RAP1GAP2: variants seen among roughly 807,000 people sequenced by gnomAD.
RAP1GAP2 encodes rap1 GTPase-activating protein 2.
RAP1GAP2 carries 27 observed loss-of-function variants against 95.0 expected under a neutral mutation model. The ratio of observed to expected loss-of-function variants is 0.28; its 90% CI spans 0.21 to 0.39. RAP1GAP2 has a LOEUF of 0.39. RAP1GAP2 is among the 10% of genes least tolerant of loss of function. The probability of loss-of-function intolerance (pLI) is 1.00; values close to 1 mark genes in which losing one functional copy is unlikely to be tolerated. For synonymous variants in RAP1GAP2, 373 were observed against 380.9 expected, an observed-to-expected ratio of 0.98 and a Z score of 0.24; for missense variants, 771 against 970.0, an observed-to-expected ratio of 0.79 and a Z score of 2.72.
At chr17:2,792,125 G>A (rs1053878563), upstream of RAP1GAP2, among the ~76,000 whole-genome samples, 1 of 152,140 alleles carries the variant, frequency 6.6e-6, no homozygotes, top group East Asian at 1.9e-4. Flanking sequence ...TTCCCAAAGT[G>A]CTGGGATTAC....
intron 8 of RAP1GAP2, among the ~76,000 whole-genome samples, chr17:2,973,220 A>G (rs73296673): frequency 4.6e-5 from 7 of 152,144 alleles, no homozygotes; most frequent in African/African-American, 1.4e-4. Context: ...TGCACAGTAG[A>G]ATGATCACTC....
intron 3 of RAP1GAP2, among the ~76,000 whole-genome samples, chr17:2,927,367 A>C (rs531847956): frequency 1.1e-4 from 17 of 151,930 alleles, no homozygotes; most frequent in South Asian, 6.2e-4. Flanking sequence ...GTTAGCCAGG[A>C]TGGTCTCGAT....
intron 13 of RAP1GAP2, among the ~76,000 whole-genome samples, chr17:2,997,659 A>C (rs1444890068): frequency 6.6e-6 from 1 of 152,060 alleles, no homozygotes. Context: ...AAGGTTGGGC[A>C]CAGTGGCTTA....
Position 2,906,287 on chromosome 17 carries a change from C to T in RAP1GAP2, c.165+919C>T, listed in dbSNP as rs1416648939. On this transcript the variant is annotated intron_variant, in intron 3 of 24. Transcript: ENST00000254695. This position sits in a 1 kb window ranked among gnomAD's most constrained non-coding sequence, Gnocchi z 4.3. ...ACTGCTCTGCATCACCCCTCCTCTTCCCTGAACCTAATCTTTTGCAAGATG... is the reference window on the plus strand; with the variant it reads ...ACTGCTCTGCATCACCCCTCCTCTTTCCTGAACCTAATCTTTTGCAAGATG... 2.0e-5 allele frequency among the ~76,000 whole-genome samples: 3 copies of T among 152,306 alleles called. No homozygotes were observed. The highest frequency in any genetic ancestry group is 6.5e-5 in the Admixed American group (1 of 15,284).
chr17:3,019,871 A>G (rs930178036), intron 18 of RAP1GAP2, among the ~76,000 whole-genome samples: 3 of 152,226 alleles, frequency 2.0e-5, no homozygotes, highest in Non-Finnish European at 2.9e-5. Context: ...GCCCTCCTCA[A>G]ACCCCCACCA....
In RAP1GAP2 at chr17:2,829,602, G is replaced by A. The variant is rs78869466; in HGVS notation, c.80+29052G>A. Among the ~76,000 whole-genome samples, 34 of 152,168 alleles carry A rather than the reference G, an allele frequency of 2.2e-4. No individual in the cohort carries two copies. The East Asian group carries it at 6.0e-3, about 27-fold the overall frequency. The stretch of plus-strand genomic sequence containing the variant: ...ACAGCTGCACAAGAGCTCACCGAAG[G>A]GCTTGTTATGAAAGAGTCATTTTTG... On this transcript the variant is annotated intron_variant, in intron 2 of 24. Transcript: ENST00000254695.
intron 3 of RAP1GAP2, among the ~76,000 whole-genome samples, chr17:2,908,607 G>C (rs1319580758): frequency 6.6e-6 from 1 of 151,898 alleles, no homozygotes; most frequent in Non-Finnish European, 1.5e-5. Context: ...AGAAGGAGGC[G>C]GCGAGAATGG....
At chr17:2,798,825 C>T (rs577540201) in intron 1 of RAP1GAP2, among the ~76,000 whole-genome samples, 31 of 152,294 alleles carry the variant, frequency 2.0e-4, no homozygotes, top group Admixed American at 1.6e-3. Context: ...GCTGTGTAGG[C>T]GTGGTTTGAA....
At position 2,765,742 on chromosome 17, in the gene RAP1GAP2, CA is replaced by C. The variant is rs60006033; in HGVS notation, c.51-4575del. On this transcript the variant is annotated intron_variant, in intron 1 of 25. Coordinates refer to the RAP1GAP2 transcript ENST00000637138. ...TGGGCGACAGAGGGAGACTCTGTCT[CA>C]AAAAAAAAAAAGAGTTTGAGCAAGA... Among the ~76,000 whole-genome samples, 130 of 129,626 alleles carry C rather than the reference CA, an allele frequency of 1.0e-3. 1 individual carries two copies. Among genetic ancestry groups the C allele is most frequent in the East Asian group, 4.2e-3 (19 of 4,514 alleles). The allele number at this position is 129,626 out of a possible 152,430, so 85.0% of individuals were successfully genotyped here.
At chr17:3,016,846 A>C (rs2046786267) in intron 17 of RAP1GAP2, among the ~76,000 whole-genome samples, 1 of 152,196 alleles carries the variant, frequency 6.6e-6, no homozygotes, top group African/African-American at 2.4e-5. Context: ...TACTCAGCTA[A>C]TGCGTGCTGG....
In RAP1GAP2 at chr17:2,905,269, T is replaced by C. The variant is rs1476131682; in HGVS notation, c.81-15T>C. ...GCAGGCAGGTCCTCACTCACCTCTT[T>C]TGGCCTCTTCACAGGAAGCAGGAGC... On this transcript the variant is annotated splice_polypyrimidine_tract_variant and intron_variant, in intron 2 of 24. Transcript: ENST00000254695. The C allele has an allele frequency of 3.1e-6, 5 of 1,613,188 alleles. No individual in the cohort carries two copies. The East Asian group carries it at 6.7e-5, about 22-fold the overall frequency.
chr17:2,939,457 G>C (rs560096346), intron 3 of RAP1GAP2, among the ~76,000 whole-genome samples: 9 of 152,256 alleles, frequency 5.9e-5, no homozygotes, highest in Non-Finnish European at 1.3e-4. Context: ...TGCCTCGAAA[G>C]ATGCAGGCAC....
rs1597908176 is a variant in RAP1GAP2, at chr17:3,027,366, GCCCTTCTCCCCACCTGCCAGTGCTCCAA to G, written c.2107+317_2107+344del. 6.6e-6 allele frequency among the ~76,000 whole-genome samples: 1 copy of G among 152,080 alleles called. No homozygotes were observed. Among genetic ancestry groups the G allele is most frequent in the African/African-American group, 2.4e-5 (1 of 41,396 alleles). On this transcript the variant is annotated intron_variant, in intron 22 of 24. Transcript: ENST00000254695. This position sits in a 1 kb window ranked among gnomAD's most constrained non-coding sequence, Gnocchi z 5.2. Reference sequence around the variant, plus strand: ...TGGGAAAGCTGAGCACTTTCCATTAGCCCTTCTCCCCACCTGCCAGTGCTCCAACCCTTCTCCCCACCTGCCAGCGCTC... The same window carrying G: ...TGGGAAAGCTGAGCACTTTCCATTAGCCCTTCTCCCCACCTGCCAGCGCTC...
chr17:2,801,081 G>A (rs761378741), intron 2 of RAP1GAP2, among the ~76,000 whole-genome samples: 53 of 151,092 alleles, frequency 3.5e-4, no homozygotes, highest in Admixed American at 1.3e-3. Flanking sequence ...ATCTCTTGAC[G>A]TCATGGTCCG....
chr17:3,001,195 G>A (rs1470462818), intron 14 of RAP1GAP2, among the ~76,000 whole-genome samples: 4 of 39,174 alleles, frequency 1.0e-4, no homozygotes, highest in African/African-American at 2.4e-4. Context: ...GGAGGTAACA[G>A]TATCAGCCTC....
chr17:2,868,516 A>ATTTTT (rs71153307), intron 2 of RAP1GAP2, among the ~76,000 whole-genome samples: 1 of 122,832 alleles, frequency 8.1e-6, no homozygotes, highest in African/African-American at 3.0e-5. Flanking sequence ...ACCAGGTGCA[A>ATTTTT]TTTTTTTTTT....
intron 16 of RAP1GAP2, among the ~76,000 whole-genome samples, chr17:3,007,333 G>A (rs113050761): frequency 5.9e-5 from 9 of 152,314 alleles, no homozygotes; most frequent in African/African-American, 1.9e-4. Flanking sequence ...GAACGATGGT[G>A]ACAAGGACAG....
Position 2,965,272 on chromosome 17 carries a change from C to T in RAP1GAP2, c.493-268C>T. On this transcript the variant is annotated intron_variant, in intron 7 of 24. Transcript: ENST00000254695. This position sits in a 1 kb window ranked among gnomAD's most constrained non-coding sequence, Gnocchi z 4.7. The stretch of plus-strand genomic sequence containing the variant: ...TTAACCCCCCGACCATTGGTTTTCC[C>T]ATCTGTGAAATGGGGATGATGTTCT... 1 of 478,588 alleles carries T rather than the reference C, an allele frequency of 2.1e-6. No homozygotes were observed. The allele number at this position is 478,588 out of a possible 1,614,324, so 29.6% of individuals were successfully genotyped here. A position where few individuals can be genotyped will look rare whatever the true frequency, so the allele number is the denominator to read the frequency against.
At position 2,967,195 on chromosome 17, in the gene RAP1GAP2, C is replaced by G. The variant is rs58741155; in HGVS notation, c.596+1552C>G. The stretch of plus-strand genomic sequence containing the variant: ...CATCCTGGCTAACACGGTGAAACCC[C>G]GTCTCTACTAAAAATACAAAAAAAA... On this transcript the variant is annotated intron_variant, in intron 8 of 24. Transcript: ENST00000254695. 4.6e-5 allele frequency among the ~76,000 whole-genome samples: 7 copies of G among 152,010 alleles called. No homozygotes were observed. The South Asian group carries it at 1.5e-3, about 32-fold the overall frequency.
Sources: gnomAD v4.1 joint callset for allele counts (sites outside exome capture counted in the v4.1 genomes callset) on GRCh38, gnomAD v4.1.1 for gene constraint, Gnocchi (gnomAD v3.1) non-coding constraint, MANE v1.5 for transcripts, NCBI Gene and HGNC (gene_info 2026-07-23, HGNC 2026-07-21) for gene names.